The following KIF16B variants were observed in gnomAD, a reference collection of about 807,000 sequenced individuals.
KIF16B encodes the protein kinesin family member 16B, also known as kinesin-like protein KIF16B.
KIF16B carries 98 observed loss-of-function variants against 156.3 expected under a neutral mutation model. The observed-to-expected ratio is 0.63, with a 90% CI of 0.53 to 0.74. KIF16B has a LOEUF of 0.74. Ranked by LOEUF, KIF16B falls within the 30% of genes least tolerant of loss-of-function variation. KIF16B has a pLI of 0.00. For missense variants in KIF16B, 1,421 were observed against 1,606.5 expected (o/e 0.88, Z 1.97); for synonymous variants, 564 against 583.7 (o/e 0.97, Z 0.49).
intron 22 of KIF16B, among the ~76,000 whole-genome samples, chr20:16,357,334 A>G (rs986528789): frequency 1.3e-5 from 2 of 152,174 alleles, no homozygotes; most frequent in African/African-American, 4.8e-5. Flanking sequence ...GGTATTAACC[A>G]TTATTCACCC....
chr20:16,293,700 G>C (rs1412720155), intron 25 of KIF16B, among the ~76,000 whole-genome samples: 1 of 152,170 alleles, frequency 6.6e-6, no homozygotes, highest in Non-Finnish European at 1.5e-5. Context: ...ACAGGCAAGA[G>C]GGTTCCAGGG....
At chr20:16,363,375 C>T (rs561972802) in intron 22 of KIF16B, among the ~76,000 whole-genome samples, 6 of 152,304 alleles carry the variant, frequency 3.9e-5, no homozygotes, top group South Asian at 2.1e-4. Context: ...ATACTCTTCC[C>T]GGTACCTTAA....
intron 17 of KIF16B, among the ~76,000 whole-genome samples, chr20:16,385,185 G>A (rs994342406): frequency 6.8e-6 from 1 of 147,574 alleles, no homozygotes; most frequent in East Asian, 2.0e-4. Flanking sequence ...GGACAAGAGC[G>A]TAACTCTGTC....
At chr20:16,541,479 G>A (rs17675170) in intron 1 of KIF16B, among the ~76,000 whole-genome samples, 8,602 of 152,272 alleles carry the variant, frequency 0.056, 308 homozygotes, top group Admixed American at 0.086. Context: ...GGACAACGAT[G>A]CTATCACAGC....
intron 12 of KIF16B, among the ~76,000 whole-genome samples, chr20:16,434,102 G>A (rs774264073): frequency 1.3e-5 from 2 of 151,960 alleles, no homozygotes; most frequent in Non-Finnish European, 2.9e-5. Context: ...TTGTCAAAAC[G>A]TAGCATCAGT....
intron 12 of KIF16B, among the ~76,000 whole-genome samples, chr20:16,476,970 A>C (rs990877723): frequency 1.3e-5 from 2 of 151,780 alleles, no homozygotes; most frequent in Non-Finnish European, 2.9e-5. Flanking sequence ...GATGGTCTCG[A>C]TCTCCTGACC....
chr20:16,336,803 T>G (rs898198063), intron 23 of KIF16B, among the ~76,000 whole-genome samples: 2 of 152,176 alleles, frequency 1.3e-5, no homozygotes, highest in Admixed American at 1.3e-4. Context: ...ATCCCTGCAT[T>G]CAAGCAAGTG....
intron 1 of KIF16B, among the ~76,000 whole-genome samples, chr20:16,568,819 CAAAAAAAAAAAAAAAAAA>C (rs57421025): frequency 7.2e-5 from 4 of 55,480 alleles, no homozygotes; most frequent in Admixed American, 4.9e-4. Flanking sequence ...GACCCTGTCT[CAAAAAAAAAAAAAAAAAA>C]AAAAAAAAAA....
At chr20:16,435,484 G>C (rs1442957682) in intron 12 of KIF16B, among the ~76,000 whole-genome samples, 2 of 152,164 alleles carry the variant, frequency 1.3e-5, no homozygotes, top group African/African-American at 4.8e-5. Context: ...GCTTAATTAG[G>C]ATAGATCTCA....
At chr20:16,344,502 A>G (rs927382134) in intron 23 of KIF16B, among the ~76,000 whole-genome samples, 1 of 152,102 alleles carries the variant, frequency 6.6e-6, no homozygotes, top group African/African-American at 2.4e-5. Flanking sequence ...TCTTGGATCA[A>G]TTACAGAGGC....
At position 16,512,851 on chromosome 20, in the gene KIF16B, C is replaced by T; in HGVS notation, c.421G>A (p.Glu141Lys). 1 of 1,613,880 alleles carries T rather than the reference C, an allele frequency of 6.2e-7. No homozygotes were observed. Among genetic ancestry groups the T allele is most frequent in the Non-Finnish European group, 8.5e-7 (1 of 1,179,712 alleles). Residue 141 changes from glutamate to lysine, a missense_variant, in exon 5 of 26, where the codon GAA becomes AAA. By Grantham distance (56) the Glu-to-Lys change is moderately conservative. Transcript: ENST00000354981. ...CTGACTTCAGTTCGAAAAGAAGCTTCATCCCATCTGGTGGTTTCATTTATC... is the reference window on the plus strand; with the variant it reads ...CTGACTTCAGTTCGAAAAGAAGCTTTATCCCATCTGGTGGTTTCATTTATC... ...SRINETTRWD[E>K]ASFRTEVSYL...
intron 22 of KIF16B, among the ~76,000 whole-genome samples, chr20:16,362,428 G>C (rs1205288350): frequency 6.6e-6 from 1 of 152,156 alleles, no homozygotes; most frequent in African/African-American, 2.4e-5. Flanking sequence ...AAACTTGTAA[G>C]GCAATCCTTG....
intron 12 of KIF16B, among the ~76,000 whole-genome samples, chr20:16,447,278 T>C (rs993957135): frequency 9.9e-5 from 15 of 151,780 alleles, no homozygotes; most frequent in African/African-American, 3.4e-4. Flanking sequence ...AGCTAAGTAA[T>C]AAATCAGACT....
At chr20:16,281,670 A>T (rs1278655020) in intron 25 of KIF16B, among the ~76,000 whole-genome samples, 1 of 152,192 alleles carries the variant, frequency 6.6e-6, no homozygotes, top group Non-Finnish European at 1.5e-5. Flanking sequence ...AAATCAGGAC[A>T]GCTTGGTTTG....
chr20:16,439,387 T>C (rs773402192), intron 12 of KIF16B, among the ~76,000 whole-genome samples: 10 of 152,092 alleles, frequency 6.6e-5, no homozygotes, highest in Non-Finnish European at 1.2e-4. Context: ...TTCCCACACG[T>C]TTGGAATAAA....
chr20:16,520,339 G>T (rs904813031), intron 3 of KIF16B, among the ~76,000 whole-genome samples: 1 of 151,912 alleles, frequency 6.6e-6, no homozygotes, highest in Non-Finnish European at 1.5e-5. Context: ...TGAGCTTAGT[G>T]GGGGGAGGGG....
intron 1 of KIF16B, among the ~76,000 whole-genome samples, chr20:16,547,188 G>A (rs528240298): frequency 1.3e-5 from 2 of 152,262 alleles, no homozygotes; most frequent in Non-Finnish European, 2.9e-5. Context: ...CATGCTCAGC[G>A]TCCGCATCCA....
At chr20:16,389,709 T>C (rs778980522) in intron 17 of KIF16B, among the ~76,000 whole-genome samples, 12 of 152,334 alleles carry the variant, frequency 7.9e-5, no homozygotes, top group African/African-American at 2.4e-4. Flanking sequence ...ATCTTCTTCC[T>C]AGCCTTGTGA....
At chr20:16,472,553 TAAAA>T (rs11318601) in intron 12 of KIF16B, among the ~76,000 whole-genome samples, 14 of 113,532 alleles carry the variant, frequency 1.2e-4, no homozygotes, top group Admixed American at 1.9e-4. Flanking sequence ...CATCTGAAAT[TAAAA>T]AAAAAAAAAA....
Sources: gnomAD v4.1 joint callset for allele counts (sites outside exome capture counted in the v4.1 genomes callset) on GRCh38, gnomAD v4.1.1 for gene constraint, MANE v1.5 for transcripts, NCBI Gene and HGNC (gene_info 2026-07-23, HGNC 2026-07-21) for gene names.